Variants in SUGCT observed in about 807,000 individuals in gnomAD.
SUGCT encodes the protein succinyl-CoA:glutarate CoA-transferase.
A neutral mutation model predicts 55.0 loss-of-function variants in SUGCT; 41 were observed. The observed-to-expected ratio is 0.74, with a 90% confidence interval of 0.58 to 0.97. The LOEUF (loss-of-function observed/expected upper bound fraction) is 0.97. Among genes scored for constraint, SUGCT ranks in the 50% least tolerant of loss-of-function variants. The probability of loss-of-function intolerance (pLI) is 0.00; values close to 1 mark genes in which losing one functional copy is unlikely to be tolerated. For synonymous variants in SUGCT, 187 were observed against 200.4 expected (o/e 0.93, Z 0.56); for missense variants, 568 against 547.8 (o/e 1.04, Z -0.37).
At chr7:40,548,048 A>G (rs1795088012) in intron 12 of SUGCT, among the ~76,000 whole-genome samples, 1 of 152,064 alleles carries the variant, frequency 6.6e-6, no homozygotes, top group African/African-American at 2.4e-5. Context: ...AATCTTAGAT[A>G]TATTTTCTAC....
rs199825643 is a variant in SUGCT at position 40,304,719 on chromosome 7, GAATAAT to G, written c.721-12004_721-11999del. On this transcript the variant is annotated intron_variant, in intron 8 of 13. Transcript: ENST00000335693. ...TTCCATTCCTGAGTTACTTCACTTA[GAATAAT>G]AATAATAATAATAATAATAATAATA... 2.0e-3 allele frequency among the ~76,000 whole-genome samples: 129 copies of G among 63,236 alleles called. 1 individual carries two copies. Among genetic ancestry groups the G allele is most frequent in the South Asian group, 9.9e-3 (15 of 1,518 alleles). 41.5% of individuals were successfully genotyped at this position (63,236 alleles called of 152,430 possible). A position where few individuals can be genotyped will look rare whatever the true frequency, so the allele number is the denominator to read the frequency against.
At chr7:40,363,029 G>A (rs1798230261) in intron 9 of SUGCT, among the ~76,000 whole-genome samples, 1 of 152,108 alleles carries the variant, frequency 6.6e-6, no homozygotes, top group Non-Finnish European at 1.5e-5. Context: ...CTTCTTCCTG[G>A]TTTAGACTTG....
chr7:40,641,334 T>C (rs192784260), intron 12 of SUGCT, among the ~76,000 whole-genome samples: 10 of 152,224 alleles, frequency 6.6e-5, no homozygotes, highest in Admixed American at 6.5e-4. Flanking sequence ...TTTTGGAACA[T>C]TATCGAAAAA....
chr7:40,377,203 CTTTT>C (rs1784625949), intron 9 of SUGCT, among the ~76,000 whole-genome samples: 1 of 11,956 alleles, frequency 8.4e-5, no homozygotes, highest in African/African-American at 3.0e-4. Flanking sequence ...TCTTTCTTTT[CTTTT>C]CTTTTCTTTC....
At chr7:40,550,005 C>T (rs1462553700) in intron 12 of SUGCT, among the ~76,000 whole-genome samples, 1 of 152,104 alleles carries the variant, frequency 6.6e-6, no homozygotes, top group Non-Finnish European at 1.5e-5. Flanking sequence ...GATCTTGTCA[C>T]AAAAGATAGA....
intron 13 of SUGCT, among the ~76,000 whole-genome samples, chr7:40,770,057 C>T (rs547586988): frequency 6.6e-6 from 1 of 152,154 alleles, no homozygotes; most frequent in Non-Finnish European, 1.5e-5. Flanking sequence ...CCTGCTAGCC[C>T]CTTCATGATT....
rs60455033 is a variant in SUGCT at position 40,327,326 on chromosome 7, G to A, written c.816+10471G>A. Among the ~76,000 whole-genome samples the A allele has an allele frequency of 2.6e-3, 394 of 152,290 alleles. 3 individuals are homozygous for A. Among genetic ancestry groups the A allele is most frequent in the African/African-American group, 9.0e-3 (376 of 41,564 alleles). On this transcript the variant is annotated intron_variant, in intron 9 of 13. Transcript: ENST00000335693. ...GGTTGCCACAGTCTGAAGAATATAGGTCACTGGGCAGTCCAGGAGCAGGTA... is the reference window on the plus strand; with the variant it reads ...GGTTGCCACAGTCTGAAGAATATAGATCACTGGGCAGTCCAGGAGCAGGTA...
At chr7:40,923,917 T>A in the SUGCT span, among the ~76,000 whole-genome samples, 2 of 152,100 alleles carry the variant, frequency 1.3e-5, no homozygotes, top group African/African-American at 4.8e-5. Flanking sequence ...AATGTTTGTG[T>A]CCCCCACAAA....
At chr7:40,266,194 T>TTTG (rs1184503853) in intron 7 of SUGCT, among the ~76,000 whole-genome samples, 1 of 147,300 alleles carries the variant, frequency 6.8e-6, no homozygotes, top group Non-Finnish European at 1.5e-5. Flanking sequence ...CCTTTTTTTT[T>TTTG]TTTTTTTGAG....
chr7:40,411,121 G>T (rs1006735184), intron 9 of SUGCT, among the ~76,000 whole-genome samples: 1 of 152,126 alleles, frequency 6.6e-6, no homozygotes, highest in Non-Finnish European at 1.5e-5. Flanking sequence ...GGCTGGGCGC[G>T]GTGGCTCATG....
chr7:40,485,254 C>T (rs897916138), intron 11 of SUGCT, among the ~76,000 whole-genome samples: 7 of 151,748 alleles, frequency 4.6e-5, no homozygotes, highest in Admixed American at 2.6e-4. Context: ...TGAAGACTTC[C>T]AGTAACCTGA....
chr7:40,353,589 C>G (rs551475123), intron 9 of SUGCT, among the ~76,000 whole-genome samples: 50 of 152,174 alleles, frequency 3.3e-4, no homozygotes, highest in African/African-American at 1.2e-3. Context: ...TGAAGCAAAA[C>G]TAATACCATT....
intron 13 of SUGCT, among the ~76,000 whole-genome samples, chr7:40,848,398 T>A (rs1793685584): frequency 6.6e-6 from 1 of 152,014 alleles, no homozygotes; most frequent in Non-Finnish European, 1.5e-5. Context: ...TTGGGAAAAA[T>A]AGCCACAGCT....
At chr7:40,193,131 T>G in intron 5 of SUGCT, among the ~76,000 whole-genome samples, 1 of 151,950 alleles carries the variant, frequency 6.6e-6, no homozygotes, top group East Asian at 1.9e-4. Flanking sequence ...CATGCCTGGC[T>G]AATTTTTAAA....
At chr7:40,201,206 AAGG>A (rs1285731143) in intron 6 of SUGCT, among the ~76,000 whole-genome samples, 1 of 152,156 alleles carries the variant, frequency 6.6e-6, no homozygotes, top group African/African-American at 2.4e-5. Flanking sequence ...AGGAAAAAGG[AAGG>A]AGGGAATGAA....
intron 12 of SUGCT, among the ~76,000 whole-genome samples, chr7:40,582,023 G>T (rs1011220774): frequency 4.6e-5 from 7 of 152,070 alleles, no homozygotes; most frequent in Admixed American, 2.6e-4. Context: ...TTTCCACTTT[G>T]GTACTGAAAG....
intron 6 of SUGCT, among the ~76,000 whole-genome samples, chr7:40,221,437 T>C (rs1336716538): frequency 6.7e-6 from 1 of 149,796 alleles, no homozygotes; most frequent in Admixed American, 6.7e-5. Context: ...AATCTAATTA[T>C]AAAATAAATC....
At chr7:40,355,787 T>C (rs1042084744) in intron 9 of SUGCT, among the ~76,000 whole-genome samples, 9 of 152,256 alleles carry the variant, frequency 5.9e-5, no homozygotes, top group South Asian at 2.1e-4. Context: ...GTTTGTCTCT[T>C]AATGCTGATC....
At chr7:40,689,620 C>T (rs1784603138) in intron 12 of SUGCT, among the ~76,000 whole-genome samples, 1 of 152,134 alleles carries the variant, frequency 6.6e-6, no homozygotes, top group South Asian at 2.1e-4. Context: ...AGAAAATCTT[C>T]TAGTGGAATC....
Sources: gnomAD v4.1 joint callset for allele counts (sites outside exome capture counted in the v4.1 genomes callset) on GRCh38, gnomAD v4.1.1 for gene constraint, MANE v1.5 for transcripts, NCBI Gene and HGNC (gene_info 2026-07-23, HGNC 2026-07-21) for gene names.